The following PARD3B variants were observed in gnomAD, a reference collection of about 807,000 sequenced individuals.
PARD3B encodes the protein partitioning defective 3 homolog B.
In PARD3B, 103 loss-of-function variants were observed where a neutral mutation model predicts 130.2. That is an observed-to-expected ratio of 0.79 (90% CI 0.67 to 0.93). PARD3B has a LOEUF of 0.93. PARD3B is among the 40% of genes least tolerant of loss of function. The pLI is 0.00. For synonymous variants in PARD3B, 583 were observed against 553.2 expected, an observed-to-expected ratio of 1.05 and a Z score of -0.76; for missense variants, 1,609 against 1,499.2, an observed-to-expected ratio of 1.07 and a Z score of -1.21.
chr2:205,148,492 A>G (rs1009703751), intron 10 of PARD3B, among the ~76,000 whole-genome samples: 3 of 152,208 alleles, frequency 2.0e-5, no homozygotes, highest in East Asian at 1.9e-4. Flanking sequence ...TTTCATGCTT[A>G]TAATAGCTAC....
At position 204,727,593 on chromosome 2, in the gene PARD3B, A is replaced by G. The variant is rs2216320; in HGVS notation, c.222+41311A>G. On this transcript the variant is annotated intron_variant, in intron 2 of 22. Coordinates refer to ENST00000406610, the MANE Select transcript of PARD3B (RefSeq NM_001302769.2). ...AGGTGGCCATCCTGGCAGGCTGGAA[A>G]GGGTAGCTTCCTGCCAGAAGCCAGA... is the stretch of plus-strand genomic sequence containing the variant. Among the ~76,000 whole-genome samples, 1,713 of 152,296 alleles carry G rather than the reference A, an allele frequency of 0.011. 68 individuals carry two copies. The East Asian group carries it at 0.14, about 13-fold the overall frequency.
At chr2:204,803,931 A>C (rs2042667747) in intron 2 of PARD3B, among the ~76,000 whole-genome samples, 1 of 152,178 alleles carries the variant, frequency 6.6e-6, no homozygotes, top group African/African-American at 2.4e-5. Flanking sequence ...GTTGAAAAGC[A>C]GGAGTTGTGG....
At position 204,799,126 on chromosome 2, in the gene PARD3B, A is replaced by G. The variant is rs987776367; in HGVS notation, c.222+112844A>G. On this transcript the variant is annotated intron_variant, in intron 2 of 22. Coordinates refer to ENST00000406610, the MANE Select transcript of PARD3B (RefSeq NM_001302769.2). This position sits in a 1 kb window ranked among gnomAD's most constrained non-coding sequence, Gnocchi z 4.1. ...ATTATTTTTGGACCTGCTATGGGCC[A>G]GACGGGAGCCCACTACCCTGAAGGG... Among the ~76,000 whole-genome samples, 25 of 152,248 alleles carry G rather than the reference A, an allele frequency of 1.6e-4. No homozygotes were observed. The highest frequency in any genetic ancestry group is 1.6e-3 in the Admixed American group (25 of 15,298).
intron 22 of PARD3B, among the ~76,000 whole-genome samples, chr2:205,574,997 T>A (rs1189136300): frequency 6.6e-6 from 1 of 150,872 alleles, no homozygotes. Context: ...TCTCATAAGC[T>A]CCCTTACTGG....
At chr2:205,576,809 T>G (rs2053775676) in intron 22 of PARD3B, among the ~76,000 whole-genome samples, 1 of 152,194 alleles carries the variant, frequency 6.6e-6, no homozygotes, top group African/African-American at 2.4e-5. Flanking sequence ...AACTTTAGCA[T>G]CAGTTTGTAA....
At chr2:205,593,598 A>G (rs935320677) in intron 22 of PARD3B, among the ~76,000 whole-genome samples, 1 of 152,244 alleles carries the variant, frequency 6.6e-6, no homozygotes, top group Non-Finnish European at 1.5e-5. Flanking sequence ...ATTGCTTAAC[A>G]ACCTGATACC....
intron 2 of PARD3B, among the ~76,000 whole-genome samples, chr2:204,817,434 T>C (rs1029904896): frequency 2.0e-5 from 3 of 152,158 alleles, no homozygotes; most frequent in Admixed American, 6.5e-5. Context: ...TCAGTCTACA[T>C]GTAACTACCC....
intron 2 of PARD3B, among the ~76,000 whole-genome samples, chr2:204,757,277 C>T (rs1255300129): frequency 6.6e-6 from 1 of 152,128 alleles, no homozygotes; most frequent in Non-Finnish European, 1.5e-5. Flanking sequence ...GGTATATACC[C>T]AGTAATGGGG....
chr2:205,071,092 C>T (rs956782777), intron 4 of PARD3B, among the ~76,000 whole-genome samples: 4 of 151,966 alleles, frequency 2.6e-5, no homozygotes, highest in African/African-American at 9.7e-5. Flanking sequence ...GAAGATTTTT[C>T]TTTGGCTTCT....
chr2:205,137,655 AT>A (rs2032599910), intron 10 of PARD3B, among the ~76,000 whole-genome samples: 1 of 152,168 alleles, frequency 6.6e-6, no homozygotes, highest in Non-Finnish European at 1.5e-5. Flanking sequence ...GTTTAGACTT[AT>A]GCATGGAGCT....
At chr2:205,552,774 A>G (rs2052707373) in intron 21 of PARD3B, among the ~76,000 whole-genome samples, 2 of 152,128 alleles carry the variant, frequency 1.3e-5, no homozygotes, top group South Asian at 4.1e-4. Context: ...AATGGCGTGA[A>G]AACTAAATGT....
intron 20 of PARD3B, among the ~76,000 whole-genome samples, chr2:205,443,442 G>A (rs184010765): frequency 1.3e-5 from 2 of 152,312 alleles, no homozygotes; most frequent in South Asian, 2.1e-4. Context: ...GCCAGAAGAG[G>A]TCATAATCTA....
Position 205,122,129 on chromosome 2 carries a change from T to G in PARD3B, c.1165+180T>G, listed in dbSNP as rs866835665. Among the ~76,000 whole-genome samples the G allele has an allele frequency of 5.9e-5, 9 of 152,174 alleles. No individual in the cohort carries two copies. The highest frequency in any genetic ancestry group is 2.6e-4 in the Admixed American group (4 of 15,266). ...AAATTGTACTTTTTTATTCTTTTCT[T>G]CGGAGTGTATAGATTATTTTAAACA... On this transcript the variant is annotated intron_variant, in intron 8 of 22. Transcript: ENST00000406610. This position sits in a 1 kb window ranked among gnomAD's most constrained non-coding sequence, Gnocchi z 4.3.
rs528178904 is a variant in PARD3B at position 204,907,109 on chromosome 2, T to G, written c.223-58043T>G. Among the ~76,000 whole-genome samples, 2 of 152,206 alleles carry G rather than the reference T, an allele frequency of 1.3e-5. No individual in the cohort carries two copies. Among genetic ancestry groups the G allele is most frequent in the Admixed American group, 1.3e-4 (2 of 15,294 alleles). On this transcript the variant is annotated intron_variant, in intron 2 of 22. Transcript: ENST00000406610. The surrounding 1 kb of genome is among the most constrained non-coding windows in gnomAD (Gnocchi z 5.7). The stretch of plus-strand genomic sequence containing the variant: ...AATTCTCCTGCCTCAGCCTCCCAAG[T>G]AGCTGGGATTACAGGTGCCCACCAC...
chr2:205,138,375 A>G (rs1009456556), intron 10 of PARD3B, among the ~76,000 whole-genome samples: 6 of 152,100 alleles, frequency 3.9e-5, no homozygotes, highest in African/African-American at 1.4e-4. Flanking sequence ...GCTGGACACC[A>G]GTCTCCCTAG....
At chr2:205,311,248 C>G (rs903419758) in intron 18 of PARD3B, among the ~76,000 whole-genome samples, 2 of 152,176 alleles carry the variant, frequency 1.3e-5, no homozygotes, top group South Asian at 4.1e-4. Flanking sequence ...AACGGCCACA[C>G]TGTTTTCCAT....
rs993450903 is a variant in PARD3B, at chr2:205,280,911, C to T, written c.2186-19619C>T. Among the ~76,000 whole-genome samples the T allele has an allele frequency of 6.6e-6, 1 of 152,168 alleles. No individual in the cohort carries two copies. Among genetic ancestry groups the T allele is most frequent in the Non-Finnish European group, 1.5e-5 (1 of 68,026 alleles). On this transcript the variant is annotated intron_variant, in intron 16 of 22. Transcript: ENST00000406610. This position sits in a 1 kb window ranked among gnomAD's most constrained non-coding sequence, Gnocchi z 4.7. ...TGCTGGCTGTTTCAAGATGCTGTGG[C>T]GTATTGATTCCTTTTATTACTAGCA...
chr2:205,237,364 A>C (rs1013220556), intron 15 of PARD3B, among the ~76,000 whole-genome samples: 7 of 152,164 alleles, frequency 4.6e-5, no homozygotes, highest in Non-Finnish European at 1.0e-4. Context: ...GGCCTCCCAA[A>C]GTGTAGGTGG....
chr2:205,208,367 A>G (rs1251205325), intron 15 of PARD3B, among the ~76,000 whole-genome samples: 1 of 127,164 alleles, frequency 7.9e-6, no homozygotes, highest in Non-Finnish European at 1.6e-5. Flanking sequence ...AGTTCTGGCC[A>G]GGGCAATCAG....
Sources: allele counts gnomAD v4.1 joint callset (sites outside exome capture counted in the v4.1 genomes callset), GRCh38; gene constraint gnomAD v4.1.1; non-coding constraint Gnocchi (gnomAD v3.1); transcripts MANE v1.5; gene names NCBI Gene and HGNC (gene_info 2026-07-23, HGNC 2026-07-21).